The following CNTNAP5 variants were observed in gnomAD, a reference collection of about 807,000 sequenced individuals.
CNTNAP5 encodes the protein contactin associated protein family member 5.
Under a neutral mutation model 150.2 loss-of-function variants are expected in CNTNAP5, and 72 were observed. The ratio of observed to expected loss-of-function variants is 0.48; its 90% confidence interval spans 0.40 to 0.58. The LOEUF is 0.58. Ranked by LOEUF, CNTNAP5 falls within the 20% of genes least tolerant of loss-of-function variation. CNTNAP5 has a pLI of 0.00. For synonymous variants in CNTNAP5, 672 were observed against 619.8 expected (o/e 1.08, Z -1.25); for missense variants, 1,636 against 1,626.2 (o/e 1.01, Z -0.10).
At chr2:124,195,056 A>C (rs961329682) in intron 1 of CNTNAP5, among the ~76,000 whole-genome samples, 3 of 151,516 alleles carry the variant, frequency 2.0e-5, no homozygotes, top group African/African-American at 7.3e-5. Flanking sequence ...TAAAAAAAAA[A>C]CTCAAAAAGC....
At chr2:124,026,172 A>G (rs1680882068) in intron 1 of CNTNAP5, among the ~76,000 whole-genome samples, 1 of 152,124 alleles carries the variant, frequency 6.6e-6, no homozygotes, top group Non-Finnish European at 1.5e-5. Flanking sequence ...GCAGTATACC[A>G]AGCACCCCAC....
rs768145367 is a variant in CNTNAP5, at chr2:124,763,800, G to A, written c.2362+1G>A. On this transcript the variant is annotated splice_donor_variant, in intron 15 of 23. Coordinates refer to ENST00000682447, the MANE Select transcript of CNTNAP5 (RefSeq NM_001367498.1). LOFTEE classifies it high-confidence loss of function. Reference sequence around the variant, plus strand: ...GGTCCCTTGCGTTGCTATGGTGACCGTGAGTACAAAATCGAAAGAAGCTTT... The same window carrying A: ...GGTCCCTTGCGTTGCTATGGTGACCATGAGTACAAAATCGAAAGAAGCTTT... The A allele has an allele frequency of 1.2e-6, 2 of 1,612,840 alleles. No individual in the cohort carries two copies. The highest frequency in any genetic ancestry group is 1.7e-6 in the Non-Finnish European group (2 of 1,179,344).
chr2:124,551,097 C>T lies in CNTNAP5; in HGVS notation c.1650-12120C>T, dbSNP rs1272227793. Among the ~76,000 whole-genome samples, 11 of 152,172 alleles carry T rather than the reference C, an allele frequency of 7.2e-5. No homozygotes were observed. The South Asian group carries it at 1.9e-3, about 26-fold the overall frequency. On this transcript the variant is annotated intron_variant, in intron 10 of 23. Coordinates refer to ENST00000682447, the MANE Select transcript of CNTNAP5 (RefSeq NM_001367498.1). ...TTCTGTTCAGTGGCCTTCACTGGCC[C>T]GTGCAGGGAGAGGCATGTGTGCCCT...
chr2:124,786,160 G>T (rs1681562932), intron 17 of CNTNAP5, among the ~76,000 whole-genome samples: 1 of 151,702 alleles, frequency 6.6e-6, no homozygotes, highest in Admixed American at 6.6e-5. Flanking sequence ...TACTCGGTAG[G>T]CTGAGGCAGG....
At chr2:124,557,360 C>T (rs1469732452) in intron 10 of CNTNAP5, among the ~76,000 whole-genome samples, 1 of 152,102 alleles carries the variant, frequency 6.6e-6, no homozygotes, top group African/African-American at 2.4e-5. Flanking sequence ...GGCTCCTTTG[C>T]CTGCCCTCTT....
At chr2:124,890,422 G>A (rs983902013) in intron 21 of CNTNAP5, among the ~76,000 whole-genome samples, 1 of 152,050 alleles carries the variant, frequency 6.6e-6, no homozygotes, top group African/African-American at 2.4e-5. Context: ...TTTTCCTAGT[G>A]AGTTTAAGCT....
intron 3 of CNTNAP5, among the ~76,000 whole-genome samples, chr2:124,326,746 G>A (rs903762802): frequency 2.6e-5 from 4 of 151,832 alleles, no homozygotes; most frequent in East Asian, 1.9e-4. Flanking sequence ...GCAACATGGC[G>A]AACCCCCATC....
chr2:124,268,582 C>T (rs1039951666), intron 3 of CNTNAP5, among the ~76,000 whole-genome samples: 1 of 152,190 alleles, frequency 6.6e-6, no homozygotes, highest in Non-Finnish European at 1.5e-5. Context: ...AATTTGTGTT[C>T]TCTACTCCTT....
At chr2:124,578,803 A>G (rs984896663) in intron 11 of CNTNAP5, among the ~76,000 whole-genome samples, 7 of 151,890 alleles carry the variant, frequency 4.6e-5, no homozygotes, top group Admixed American at 4.6e-4. Flanking sequence ...ATAAATAAAT[A>G]AATAAATAAA....
At chr2:124,635,545 C>T (rs1677954125) in intron 12 of CNTNAP5, among the ~76,000 whole-genome samples, 1 of 152,172 alleles carries the variant, frequency 6.6e-6, no homozygotes, top group Admixed American at 6.5e-5. Flanking sequence ...CCATCAAGTC[C>T]TCCTGACTTC....
rs113042214 is a variant in CNTNAP5, at chr2:124,228,089, G to T, written c.187+6280G>T. ...ATTCAGTCTGAGTCCAAAGATCTGA[G>T]AACTGGGGGAACCAGTGGTGTGACC... On this transcript the variant is annotated intron_variant, in intron 2 of 23. Transcript: ENST00000682447. 3.4e-3 allele frequency among the ~76,000 whole-genome samples: 520 copies of T among 152,168 alleles called. 2 individuals carry two copies. Among genetic ancestry groups the T allele is most frequent in the African/African-American group, 0.011 (469 of 41,504 alleles).
chr2:124,624,913 G>A (rs1424925347), intron 12 of CNTNAP5, among the ~76,000 whole-genome samples: 1 of 152,160 alleles, frequency 6.6e-6, no homozygotes, highest in Non-Finnish European at 1.5e-5. Context: ...TTATATTCAA[G>A]ATGTTATTTG....
intron 19 of CNTNAP5, among the ~76,000 whole-genome samples, chr2:124,859,720 T>C (rs1224453163): frequency 2.0e-5 from 3 of 152,114 alleles, no homozygotes; most frequent in Non-Finnish European, 4.4e-5. Flanking sequence ...CATGGAATAC[T>C]ATGCAGCCAT....
At chr2:124,604,282 G>T (rs1183559882) in intron 11 of CNTNAP5, among the ~76,000 whole-genome samples, 1 of 151,876 alleles carries the variant, frequency 6.6e-6, no homozygotes, top group African/African-American at 2.4e-5. Context: ...ACAATTATTA[G>T]CTTTTTCTTG....
chr2:124,865,274 T>G (rs1427599987), intron 19 of CNTNAP5, 32 bp from the exon 20 acceptor site: 2 of 1,534,738 alleles, frequency 1.3e-6, no homozygotes, highest in South Asian at 2.4e-5. Flanking sequence ...GGTGCTGCTT[T>G]ATATTCTAAT....
intron 1 of CNTNAP5, among the ~76,000 whole-genome samples, chr2:124,047,251 T>C (rs952557231): frequency 3.3e-5 from 5 of 152,200 alleles, no homozygotes; most frequent in African/African-American, 1.2e-4. Context: ...CACCGAAGGG[T>C]AGTCACATAG....
At chr2:124,458,914 C>T (rs990035305) in intron 6 of CNTNAP5, among the ~76,000 whole-genome samples, 25 of 152,104 alleles carry the variant, frequency 1.6e-4, no homozygotes, top group Non-Finnish European at 3.2e-4. Context: ...TTATAATATA[C>T]CATGTTGACA....
chr2:124,222,566 A>G (rs1233334388), intron 2 of CNTNAP5, among the ~76,000 whole-genome samples: 1 of 152,122 alleles, frequency 6.6e-6, no homozygotes, highest in East Asian at 1.9e-4. Flanking sequence ...CTAGGTCAAG[A>G]AAAGCGTGTA....
intron 11 of CNTNAP5, among the ~76,000 whole-genome samples, chr2:124,605,834 G>GAAAAAAAAAAAAAAAAAAAAAAAA (rs1558701516): frequency 1.5e-5 from 1 of 66,784 alleles, no homozygotes; most frequent in African/African-American, 6.7e-5. Context: ...AAAAAAAAAA[G>GAAAAAAAAAAAAAAAAAAAAAAAA]AAGGAAAGAA....
Sources: gnomAD v4.1 joint callset for allele counts (sites outside exome capture counted in the v4.1 genomes callset) on GRCh38, gnomAD v4.1.1 for gene constraint, MANE v1.5 for transcripts, NCBI Gene and HGNC (gene_info 2026-07-23, HGNC 2026-07-21) for gene names.